The following PTPRN2 variants were observed in gnomAD, a reference collection of about 807,000 sequenced individuals.
PTPRN2 encodes the protein protein tyrosine phosphatase receptor type N2, also known as receptor-type tyrosine-protein phosphatase N2.
PTPRN2 carries 74 observed loss-of-function variants against 118.8 expected under a neutral mutation model. The observed-to-expected ratio is 0.62, with a 90% CI of 0.52 to 0.76. The LOEUF (loss-of-function observed/expected upper bound fraction) is 0.76, where lower values mean the gene tolerates loss of function less well. Among genes scored for constraint, PTPRN2 ranks in the 30% least tolerant of loss-of-function variants. The pLI is 0.00. For synonymous variants in PTPRN2, 641 were observed against 608.0 expected (o/e 1.05, Z -0.80); for missense variants, 1,481 against 1,394.4 (o/e 1.06, Z -0.99).
chr7:157,756,755 C>A (rs1177282424), intron 12 of PTPRN2, among the ~76,000 whole-genome samples: 4 of 148,042 alleles, frequency 2.7e-5, no homozygotes, highest in African/African-American at 1.0e-4. Context: ...GAATTAAGGC[C>A]AAACCATTTA....
intron 1 of PTPRN2, among the ~76,000 whole-genome samples, chr7:158,586,422 G>T (rs1166573442): frequency 6.6e-6 from 1 of 152,228 alleles, no homozygotes. Flanking sequence ...TGAGGTGGGT[G>T]CAGGCGGCGC....
At chr7:157,717,594 C>A (rs1006262391) in intron 12 of PTPRN2, among the ~76,000 whole-genome samples, 1 of 152,302 alleles carries the variant, frequency 6.6e-6, no homozygotes. Flanking sequence ...TCATGGAAAT[C>A]GCTCCCTTGC....
intron 3 of PTPRN2, among the ~76,000 whole-genome samples, chr7:158,305,667 G>A (rs574037713): frequency 1.1e-4 from 16 of 152,162 alleles, no homozygotes; most frequent in Admixed American, 2.0e-4. Context: ...AGTGAAAATG[G>A]CAAAGAACCT....
At chr7:158,205,031 T>C (rs1827006410) in intron 4 of PTPRN2, 140 bp downstream of exon 4, 1 of 711,018 alleles carries the variant, frequency 1.4e-6, no homozygotes, top group Non-Finnish European at 2.3e-6. Context: ...CTTACAGACA[T>C]CCTAACTTTC....
chr7:157,976,686 G>A (rs992679621), intron 11 of PTPRN2, among the ~76,000 whole-genome samples: 15 of 151,832 alleles, frequency 9.9e-5, no homozygotes, highest in Non-Finnish European at 2.1e-4. Flanking sequence ...GCACGTAGCC[G>A]TGGACTTGTG....
intron 1 of PTPRN2, among the ~76,000 whole-genome samples, chr7:158,583,577 C>A (rs924325817): frequency 3.9e-5 from 6 of 152,102 alleles, no homozygotes; most frequent in Admixed American, 2.6e-4. Context: ...AAGCTCAGCA[C>A]TGAGAAGAAG....
intron 13 of PTPRN2, among the ~76,000 whole-genome samples, chr7:157,664,727 C>T (rs986379806): frequency 6.6e-6 from 1 of 152,208 alleles, no homozygotes; most frequent in African/African-American, 2.4e-5. Context: ...CCAATGCACT[C>T]CAACCCTGGT....
rs565520508 is a variant in PTPRN2, at chr7:157,618,522, T to C, written c.2344+2840A>G. ...CACAGAGCCACAGGGAAGCCAGTCCTCCTGGACCGTGTGTGGCTGTTTTGG... is the reference window on the plus strand; with the variant it reads ...CACAGAGCCACAGGGAAGCCAGTCCCCCTGGACCGTGTGTGGCTGTTTTGG... On this transcript the variant is annotated intron_variant, in intron 15 of 22. Transcript: ENST00000389418. This position sits in a 1 kb window ranked among gnomAD's most constrained non-coding sequence, Gnocchi z 4.2. The C allele has an allele frequency of 3.9e-5, 6 of 152,402 alleles. No homozygotes were observed. Among genetic ancestry groups the C allele is most frequent in the African/African-American group, 1.2e-4 (5 of 41,568 alleles). The allele number at this position is 152,402 out of a possible 1,614,324, so 9.4% of individuals were successfully genotyped here. A position where few individuals can be genotyped will look rare whatever the true frequency, so the allele number is the denominator to read the frequency against.
chr7:158,351,316 AC>A (rs2151265621), intron 2 of PTPRN2, among the ~76,000 whole-genome samples: 1 of 151,964 alleles, frequency 6.6e-6, no homozygotes, highest in Non-Finnish European at 1.5e-5. Flanking sequence ...CTCCTACTGC[AC>A]CCCATGAGCC....
intron 12 of PTPRN2, among the ~76,000 whole-genome samples, chr7:157,799,388 C>T (rs574296434): frequency 1.3e-5 from 2 of 152,152 alleles, no homozygotes; most frequent in African/African-American, 2.4e-5. Context: ...CCACGCTGAA[C>T]GTGTGTTCCT....
chr7:157,719,600 G>A (rs1379687075), intron 12 of PTPRN2, among the ~76,000 whole-genome samples: 1 of 152,368 alleles, frequency 6.6e-6, no homozygotes, highest in African/African-American at 2.4e-5. Flanking sequence ...AAGAATAACA[G>A]CCAGTGGCAG....
chr7:158,549,540 G>C (rs1207382674), intron 1 of PTPRN2, among the ~76,000 whole-genome samples: 2 of 152,272 alleles, frequency 1.3e-5, no homozygotes, highest in East Asian at 1.9e-4. Flanking sequence ...TGCTGGCTTT[G>C]TCTTCTCCTT....
chr7:158,130,684 G>GAC, intron 9 of PTPRN2, among the ~76,000 whole-genome samples: 1 of 115,292 alleles, frequency 8.7e-6, no homozygotes, highest in East Asian at 2.6e-4. Flanking sequence ...CGTACATACA[G>GAC]ACACACACAT....
At chr7:158,244,840 TGA>T (rs1554421779) in intron 3 of PTPRN2, among the ~76,000 whole-genome samples, 1 of 151,206 alleles carries the variant, frequency 6.6e-6, no homozygotes, top group African/African-American at 2.4e-5. Context: ...TGTGCACATG[TGA>T]GTGTATGGGG....
chr7:157,551,766 C>A (rs1798632828), intron 21 of PTPRN2, among the ~76,000 whole-genome samples: 1 of 144,584 alleles, frequency 6.9e-6, no homozygotes, highest in African/African-American at 2.6e-5. Context: ...CCACAGCCAC[C>A]ATGCACCCCA....
At chr7:157,938,684 G>A (rs758964004) in intron 11 of PTPRN2, among the ~76,000 whole-genome samples, 3 of 152,230 alleles carry the variant, frequency 2.0e-5, no homozygotes, top group Non-Finnish European at 4.4e-5. Context: ...AAACTGATGA[G>A]ATTTGAGGAA....
chr7:157,982,046 C>T (rs1803215237), intron 11 of PTPRN2, among the ~76,000 whole-genome samples: 7 of 146,106 alleles, frequency 4.8e-5, no homozygotes, highest in South Asian at 2.2e-4. Flanking sequence ...CCCCAAACCC[C>T]AAATCATAGA....
Position 158,132,429 on chromosome 7 carries a change from TACAC to T in PTPRN2, c.1556+1244_1556+1247del, listed in dbSNP as rs1320452945. ...TACACATCTACCCGACACACACTCA[TACAC>T]ACATACATATGCACAAACATATCGA... On this transcript the variant is annotated intron_variant, in intron 9 of 22. Transcript: ENST00000389418. Among the ~76,000 whole-genome samples the T allele has an allele frequency of 3.2e-3, 476 of 148,210 alleles. 5 individuals carry two copies. Among genetic ancestry groups the T allele is most frequent in the African/African-American group, 0.011 (451 of 39,698 alleles).
chr7:158,003,313 C>A lies in PTPRN2; in HGVS notation c.1723+77985G>T, dbSNP rs980708593. ...CCTGTAGTCCCAGCTACTTGGGAGG[C>A]TGAGGCAGGAGAATGGCATGAACCT... On this transcript the variant is annotated intron_variant, in intron 11 of 22. Coordinates refer to ENST00000389418, the MANE Select transcript of PTPRN2 (RefSeq NM_002847.5). The surrounding 1 kb of genome is among the most constrained non-coding windows in gnomAD (Gnocchi z 5.0). 1.3e-5 allele frequency among the ~76,000 whole-genome samples: 2 copies of A among 149,484 alleles called. No homozygotes were observed. Among genetic ancestry groups the A allele is most frequent in the African/African-American group, 4.9e-5 (2 of 40,452 alleles).
Sources: allele counts gnomAD v4.1 joint callset (sites outside exome capture counted in the v4.1 genomes callset), GRCh38; gene constraint gnomAD v4.1.1; non-coding constraint Gnocchi (gnomAD v3.1); transcripts MANE v1.5; gene names NCBI Gene and HGNC (gene_info 2026-07-23, HGNC 2026-07-21).